DAB1: variants seen among roughly 807,000 people sequenced by gnomAD.
The protein encoded by DAB1 is disabled homolog 1.
A neutral mutation model predicts 64.6 loss-of-function variants in DAB1; 15 were observed. That is an observed-to-expected ratio of 0.23 (90% CI 0.16 to 0.36). The LOEUF (loss-of-function observed/expected upper bound fraction) is 0.36, where lower values mean the gene tolerates loss of function less well. Among genes scored for constraint, DAB1 ranks in the 10% least tolerant of loss-of-function variants. The pLI is 1.00. For missense variants in DAB1, 596 were observed against 706.7 expected (o/e 0.84, Z 1.78); for synonymous variants, 235 against 251.9 (o/e 0.93, Z 0.64).
At chr1:57,345,756 G>A (rs1678026596) in intron 1 of DAB1, among the ~76,000 whole-genome samples, 1 of 152,232 alleles carries the variant, frequency 6.6e-6, no homozygotes, top group Non-Finnish European at 1.5e-5. Context: ...TTTATGAGCT[G>A]TGATGGTTAT....
At chr1:57,614,664 T>C (rs1204528212) in intron 7 of DAB1, among the ~76,000 whole-genome samples, 2 of 152,148 alleles carry the variant, frequency 1.3e-5, no homozygotes. Flanking sequence ...TTCACATCCT[T>C]GCTTGGAAAA....
intron 6 of DAB1, among the ~76,000 whole-genome samples, chr1:57,695,849 G>A (rs1000350467): frequency 9.2e-5 from 14 of 152,136 alleles, no homozygotes; most frequent in African/African-American, 3.1e-4. Flanking sequence ...GCAGTGAGCT[G>A]AGATGGTGCC....
At chr1:57,976,602 C>T (rs143268959) in intron 5 of DAB1, among the ~76,000 whole-genome samples, 209 of 152,138 alleles carry the variant, frequency 1.4e-3, no homozygotes, top group African/African-American at 4.7e-3. Flanking sequence ...TCTCCTTAAG[C>T]GGGAAGGAGA....
At chr1:58,293,254 A>G (rs951496654) in intron 4 of DAB1, among the ~76,000 whole-genome samples, 5 of 152,226 alleles carry the variant, frequency 3.3e-5, no homozygotes, top group African/African-American at 1.2e-4. Context: ...ATCCGCCAGC[A>G]GCCAGAGTAG....
intron 6 of DAB1, among the ~76,000 whole-genome samples, chr1:57,714,168 T>C (rs1647057644): frequency 8.5e-6 from 1 of 117,890 alleles, no homozygotes; most frequent in Non-Finnish European, 1.7e-5. Flanking sequence ...TCCTGTTTTA[T>C]GTAATTTACA....
chr1:58,317,591 A>G lies in DAB1; in HGVS notation n.309+25761T>C, dbSNP rs2100480934. 2.6e-5 allele frequency among the ~76,000 whole-genome samples: 4 copies of G among 152,358 alleles called. No individual in the cohort carries two copies. The Middle Eastern group carries it at 0.01, about 389-fold the overall frequency. On this transcript the variant is annotated intron_variant and non_coding_transcript_variant, in intron 4 of 20. Transcript: ENST00000485760. ...CCCCTGGCTTGACAGCCAGCAAGGA[A>G]CCAAGGACCACAGATGCAACCCGAA...
Position 56,995,695 on chromosome 1 carries a change from C to T in DAB1, c.*2449G>A, listed in dbSNP as rs1346254632. On this transcript the variant is annotated 3_prime_UTR_variant, in exon 15 of 15. Transcript: ENST00000371236. The stretch of plus-strand genomic sequence containing the variant: ...GTGATACTGCAAGACAAACTCAAGA[C>T]AGCCATATTGAGGGAGAAGATAGCA... The T allele has an allele frequency of 6.6e-6, 1 of 152,200 alleles. No individual in the cohort carries two copies. Among genetic ancestry groups the T allele is most frequent in the Non-Finnish European group, 1.5e-5 (1 of 68,034 alleles). 9.4% of individuals were successfully genotyped at this position (152,200 alleles called of 1,614,324 possible). A position where few individuals can be genotyped will look rare whatever the true frequency, so the allele number is the denominator to read the frequency against.
intron 5 of DAB1, among the ~76,000 whole-genome samples, chr1:57,903,171 G>A (rs182041980): frequency 2.0e-5 from 3 of 152,242 alleles, no homozygotes; most frequent in East Asian, 3.9e-4. Flanking sequence ...CCCATGACAC[G>A]TGGGAATTAT....
intron 5 of DAB1, among the ~76,000 whole-genome samples, chr1:58,121,899 T>G (rs1165554229): frequency 1.3e-5 from 2 of 152,190 alleles, no homozygotes; most frequent in African/African-American, 4.8e-5. Flanking sequence ...CGAAAAGAGT[T>G]AAGTTGAAGT....
intron 5 of DAB1, among the ~76,000 whole-genome samples, chr1:58,131,716 C>A (rs1057230502): frequency 4.2e-5 from 6 of 144,458 alleles, no homozygotes; most frequent in East Asian, 2.1e-4. Context: ...AGTACCCTGC[C>A]GTGTGAGGTG....
At chr1:57,981,273 C>T (rs1286474486) in intron 5 of DAB1, among the ~76,000 whole-genome samples, 1 of 151,730 alleles carries the variant, frequency 6.6e-6, no homozygotes, top group African/African-American at 2.4e-5. Flanking sequence ...CAGTCTAATA[C>T]ATTAAATGTT....
At chr1:58,540,626 G>C (rs1417519938) in intron 1 of DAB1, among the ~76,000 whole-genome samples, 1 of 149,378 alleles carries the variant, frequency 6.7e-6, no homozygotes, top group Non-Finnish European at 1.5e-5. Context: ...ACTAACAGCA[G>C]ATTAACATTG....
At chr1:57,273,244 C>A (rs192725601) in intron 2 of DAB1, among the ~76,000 whole-genome samples, 1 of 152,076 alleles carries the variant, frequency 6.6e-6, no homozygotes, top group Non-Finnish European at 1.5e-5. Context: ...GTGGGAGTCA[C>A]GAGAATGCAC....
intron 6 of DAB1, among the ~76,000 whole-genome samples, chr1:57,715,655 A>G (rs1440766307): frequency 6.6e-6 from 1 of 152,188 alleles, no homozygotes; most frequent in Admixed American, 6.5e-5. Flanking sequence ...TGAACTATCT[A>G]GAAAAGAAAT....
rs2100481581 is a variant in DAB1, at chr1:58,318,224, A to G, written n.309+25128T>C. Among the ~76,000 whole-genome samples, 2 of 152,262 alleles carry G rather than the reference A, an allele frequency of 1.3e-5. 1 individual carries two copies. Among genetic ancestry groups the G allele is most frequent in the South Asian group, 4.1e-4 (2 of 4,822 alleles). On this transcript the variant is annotated intron_variant and non_coding_transcript_variant, in intron 4 of 20. Transcript: ENST00000485760. Reference sequence around the variant, plus strand: ...ATGCTAACCGCACCTCATTCCTACAAGCAAGTCAGATCTGAGCTGGTACTG... The same window carrying G: ...ATGCTAACCGCACCTCATTCCTACAGGCAAGTCAGATCTGAGCTGGTACTG...
chr1:58,275,366 G>C (rs1361996167), intron 4 of DAB1, among the ~76,000 whole-genome samples: 1 of 152,028 alleles, frequency 6.6e-6, no homozygotes, highest in Admixed American at 6.5e-5. Flanking sequence ...TTGCACAAAA[G>C]GACAAAATCA....
intron 4 of DAB1, among the ~76,000 whole-genome samples, chr1:58,175,111 A>C (rs185905321): frequency 6.6e-6 from 1 of 152,276 alleles, no homozygotes; most frequent in Admixed American, 6.5e-5. Flanking sequence ...CTTCACAATA[A>C]ATCTTGCTGC....
At chr1:58,231,055 G>C (rs1404695256) in intron 4 of DAB1, among the ~76,000 whole-genome samples, 1 of 152,232 alleles carries the variant, frequency 6.6e-6, no homozygotes, top group Non-Finnish European at 1.5e-5. Flanking sequence ...AACTTCATAA[G>C]ATTATTGTGA....
chr1:58,242,980 T>C (rs1330865081), intron 4 of DAB1, among the ~76,000 whole-genome samples: 3 of 152,282 alleles, frequency 2.0e-5, no homozygotes, highest in East Asian at 3.9e-4. Context: ...ACCATGATGA[T>C]GCACGCACAA....
Sources: allele counts gnomAD v4.1 joint callset (sites outside exome capture counted in the v4.1 genomes callset), GRCh38; gene constraint gnomAD v4.1.1; transcripts MANE v1.5; gene names NCBI Gene and HGNC (gene_info 2026-07-23, HGNC 2026-07-21).